RBPJ: variants seen among roughly 807,000 people sequenced by gnomAD.
RBPJ encodes recombination signal binding protein for immunoglobulin kappa J region.
In RBPJ, 9 loss-of-function variants were observed where a neutral mutation model predicts 67.8. The ratio of observed to expected loss-of-function variants is 0.13; its 90% confidence interval spans 0.08 to 0.23. The LOEUF (loss-of-function observed/expected upper bound fraction) is 0.23. Among genes scored for constraint, RBPJ ranks in the 10% least tolerant of loss-of-function variants. The pLI is 1.00. For synonymous variants in RBPJ, 198 were observed against 203.3 expected, an observed-to-expected ratio of 0.97 and a Z score of 0.22; for missense variants, 305 against 595.6, an observed-to-expected ratio of 0.51 and a Z score of 5.08.
chr4:26,270,421 GAAAGAAAGAAAGAAA>G (rs1720868085), intron 1 of RBPJ, among the ~76,000 whole-genome samples: 1 of 53,432 alleles, frequency 1.9e-5, no homozygotes, highest in African/African-American at 4.8e-5. Flanking sequence ...AAGAAAGAAA[GAAAGAAAGAAAGAAA>G]GAAGAAAGAA....
At chr4:26,219,079 A>G (rs6856950) in intron 1 of RBPJ, among the ~76,000 whole-genome samples, 4,039 of 152,324 alleles carry the variant, frequency 0.027, 200 homozygotes, top group African/African-American at 0.092. Flanking sequence ...AAAGGGAAGC[A>G]ATACCGTAAG....
chr4:26,311,738 T>C (rs1722434621), intron 1 of RBPJ, among the ~76,000 whole-genome samples: 1 of 152,134 alleles, frequency 6.6e-6, no homozygotes, highest in African/African-American at 2.4e-5. Flanking sequence ...AGTGAGAAAG[T>C]CCCAGAGAAA....
At chr4:26,305,771 C>CTTTTTTTTATTTTTTTTTTTT (rs1722214085) in intron 1 of RBPJ, among the ~76,000 whole-genome samples, 1 of 67,758 alleles carries the variant, frequency 1.5e-5, no homozygotes, top group Non-Finnish European at 2.5e-5. Flanking sequence ...ATTTTCTTTT[C>CTTTTTTTTATTTTTTTTTTTT]TTTTTTTTTT....
chr4:26,333,274 C>T (rs1374085726), intron 1 of RBPJ, among the ~76,000 whole-genome samples: 1 of 152,152 alleles, frequency 6.6e-6, no homozygotes, highest in Non-Finnish European at 1.5e-5. Flanking sequence ...GAAACGCTGA[C>T]ATTCGATTCT....
chr4:26,232,468 G>A (rs1456370892), intron 1 of RBPJ, among the ~76,000 whole-genome samples: 1 of 151,856 alleles, frequency 6.6e-6, no homozygotes, highest in African/African-American at 2.4e-5. Context: ...ATCCACCTCG[G>A]CATCCCAAAG....
At chr4:26,193,679 C>G (rs1717651591) in intron 1 of RBPJ, among the ~76,000 whole-genome samples, 1 of 152,178 alleles carries the variant, frequency 6.6e-6, no homozygotes, top group African/African-American at 2.4e-5. Flanking sequence ...ATTGCAATCG[C>G]TGCTGTCAGA....
At chr4:26,395,787 G>A (rs1007626679) in intron 2 of RBPJ, among the ~76,000 whole-genome samples, 2 of 152,192 alleles carry the variant, frequency 1.3e-5, no homozygotes, top group African/African-American at 4.8e-5. Context: ...ACGATTATAT[G>A]TTCATATTTG....
chr4:26,110,103 A>G, the RBPJ span, among the ~76,000 whole-genome samples: 1 of 152,156 alleles, frequency 6.6e-6, no homozygotes. The surrounding 1 kb of genome is among the most constrained non-coding windows in gnomAD (Gnocchi z 4.5). Context: ...CCCATTCCCC[A>G]ACACAGTAGA....
At chr4:26,170,438 G>T (rs1226895557) in intron 1 of RBPJ, among the ~76,000 whole-genome samples, 1 of 152,012 alleles carries the variant, frequency 6.6e-6, no homozygotes, top group African/African-American at 2.4e-5. Flanking sequence ...CTACTTGGGA[G>T]GCTGGGGTGG....
intron 1 of RBPJ, among the ~76,000 whole-genome samples, chr4:26,352,736 A>C (rs75892308): frequency 7.2e-5 from 11 of 152,310 alleles, no homozygotes; most frequent in African/African-American, 2.6e-4. Context: ...AACAAAATCA[A>C]ACAAAATCTA....
intron 1 of RBPJ, among the ~76,000 whole-genome samples, chr4:26,253,642 TAG>T (rs1720194657): frequency 6.7e-6 from 1 of 148,552 alleles, no homozygotes; most frequent in Non-Finnish European, 1.5e-5. Flanking sequence ...AGCCCATTTT[TAG>T]AGAGTATATT....
At chr4:26,330,307 C>G (rs1410680675) in intron 1 of RBPJ, among the ~76,000 whole-genome samples, 1 of 152,148 alleles carries the variant, frequency 6.6e-6, no homozygotes, top group Non-Finnish European at 1.5e-5. Context: ...AATTGTGGAG[C>G]ACCTACCATC....
chr4:26,117,776 T>A, the RBPJ span, among the ~76,000 whole-genome samples: 3 of 152,288 alleles, frequency 2.0e-5, no homozygotes, highest in Non-Finnish European at 2.9e-5. Flanking sequence ...AACAAGTCAA[T>A]ACACATAAAA....
intron 2 of RBPJ, among the ~76,000 whole-genome samples, chr4:26,397,775 A>G (rs758897681): frequency 6.6e-6 from 1 of 152,196 alleles, no homozygotes; most frequent in Non-Finnish European, 1.5e-5. Context: ...CTGGGATTAC[A>G]GGCGTGTGCT....
At chr4:26,204,555 G>A (rs1414812892) in intron 1 of RBPJ, among the ~76,000 whole-genome samples, 1 of 152,186 alleles carries the variant, frequency 6.6e-6, no homozygotes, top group South Asian at 2.1e-4. Flanking sequence ...CTACTCGTGG[G>A]TAGCCTGGTA....
chr4:26,120,714 CTTT>C, the RBPJ span, among the ~76,000 whole-genome samples: 215 of 83,036 alleles, frequency 2.6e-3, 1 homozygote, highest in Non-Finnish European at 3.2e-3. Flanking sequence ...ATTTTCTCAA[CTTT>C]TTTTTTTTTT....
rs150637718 is a variant in RBPJ, at chr4:26,298,782, G to A, written c.-166-63664G>A. 7.6e-4 allele frequency among the ~76,000 whole-genome samples: 116 copies of A among 152,270 alleles called. 2 individuals are homozygous for A. The highest frequency in any genetic ancestry group is 3.4e-3 in the Middle Eastern group (1 of 294). ...GGATGTGGAAAGGACAAAGGCCAAC[G>A]CCAAAACTTATGTCATCAAGCCAGG... On this transcript the variant is annotated intron_variant, in intron 1 of 4. Transcript: ENST00000512351.
intron 1 of RBPJ, among the ~76,000 whole-genome samples, chr4:26,211,914 G>C (rs937254570): frequency 6.6e-6 from 1 of 152,114 alleles, no homozygotes; most frequent in Non-Finnish European, 1.5e-5. Flanking sequence ...GGAAAAATTT[G>C]GACACAGAGC....
chr4:26,295,271 G>GTGTGTGTGT (rs1560248894), intron 1 of RBPJ, among the ~76,000 whole-genome samples: 9 of 117,920 alleles, frequency 7.6e-5, no homozygotes, highest in African/African-American at 1.6e-4. Flanking sequence ...TGTGTGTGTG[G>GTGTGTGTGT]GTGTGTGTGT....
Sources: gnomAD v4.1 joint callset for allele counts (sites outside exome capture counted in the v4.1 genomes callset) on GRCh38, gnomAD v4.1.1 for gene constraint, Gnocchi (gnomAD v3.1) non-coding constraint, MANE v1.5 for transcripts, NCBI Gene and HGNC (gene_info 2026-07-23, HGNC 2026-07-21) for gene names.